Variants in HEMK2 observed in about 807,000 individuals in gnomAD.
HEMK2 encodes HemK methyltransferase 2, ETF1 glutamine and histone H4 lysine.
the HEMK2 span, among the ~76,000 whole-genome samples, chr21:28,586,843 C>A: frequency 6.6e-6 from 1 of 152,054 alleles, no homozygotes; most frequent in African/African-American, 2.4e-5. Context: ...GAATGAACTC[C>A]CTTGGGCCTC....
At chr21:28,691,929 T>C in the HEMK2 span, among the ~76,000 whole-genome samples, 2 of 152,224 alleles carry the variant, frequency 1.3e-5, no homozygotes, top group Non-Finnish European at 2.9e-5. Context: ...AAAAACTGTT[T>C]ATTGGCTCTC....
chr21:28,827,903 C>T, the HEMK2 span, among the ~76,000 whole-genome samples: 1 of 152,168 alleles, frequency 6.6e-6, no homozygotes, highest in Non-Finnish European at 1.5e-5. Context: ...TTATTGAAAA[C>T]TTGCTCTGAG....
At chr21:28,749,249 A>G in the HEMK2 span, among the ~76,000 whole-genome samples, 1 of 152,242 alleles carries the variant, frequency 6.6e-6, no homozygotes, top group South Asian at 2.1e-4. Flanking sequence ...AGTGAAAATC[A>G]TTATATATAC....
the HEMK2 span, among the ~76,000 whole-genome samples, chr21:28,712,619 T>C: frequency 2.0e-5 from 3 of 152,012 alleles, no homozygotes; most frequent in African/African-American, 7.2e-5. Context: ...AGAACACCCT[T>C]GGGGGCAATA....
At chr21:28,818,188 G>A in the HEMK2 span, among the ~76,000 whole-genome samples, 1 of 152,160 alleles carries the variant, frequency 6.6e-6, no homozygotes, top group Admixed American at 6.5e-5. Context: ...GAACGTGAAA[G>A]GACTAGACTG....
chr21:28,794,737 C>T, the HEMK2 span, among the ~76,000 whole-genome samples: 47 of 152,370 alleles, frequency 3.1e-4, no homozygotes, highest in African/African-American at 1.1e-3. Context: ...CAAATAACCA[C>T]TGAAGAACAA....
the HEMK2 span, among the ~76,000 whole-genome samples, chr21:28,605,061 G>C: frequency 6.6e-6 from 1 of 152,134 alleles, no homozygotes. Flanking sequence ...ATCCACATGT[G>C]GATGCACTTA....
At chr21:28,727,927 T>C in the HEMK2 span, among the ~76,000 whole-genome samples, 2 of 152,220 alleles carry the variant, frequency 1.3e-5, no homozygotes, top group African/African-American at 2.4e-5. Context: ...AGTGTGTGTA[T>C]GCATACACAT....
chr21:28,788,279 T>TAC, the HEMK2 span, among the ~76,000 whole-genome samples: 3,000 of 147,124 alleles, frequency 0.02, 51 homozygotes, highest in African/African-American at 0.049. Context: ...CCATCATATA[T>TAC]ACACACACAC....
the HEMK2 span, among the ~76,000 whole-genome samples, chr21:28,701,002 A>G: frequency 0.56 from 84,588 of 152,068 alleles, 26,197 homozygotes; most frequent in East Asian, 0.84. Context: ...ACATATGCAA[A>G]CCAATAACTC....
chr21:28,868,976 A>AT, the HEMK2 span, among the ~76,000 whole-genome samples: 234 of 143,514 alleles, frequency 1.6e-3, no homozygotes, highest in Non-Finnish European at 2.0e-3. Flanking sequence ...TTTCCCTTTC[A>AT]TTTTTTTTTT....
the HEMK2 span, among the ~76,000 whole-genome samples, chr21:28,654,804 G>A: frequency 6.6e-6 from 1 of 152,022 alleles, no homozygotes; most frequent in Non-Finnish European, 1.5e-5. Flanking sequence ...TTCTGCAATA[G>A]GGTTATTGTA....
chr21:28,639,442 T>C, the HEMK2 span, among the ~76,000 whole-genome samples: 121 of 152,298 alleles, frequency 7.9e-4, 2 homozygotes, highest in East Asian at 0.021. Flanking sequence ...AAGGAATTAA[T>C]ACTTCAAGAA....
At chr21:28,607,592 G>A in the HEMK2 span, among the ~76,000 whole-genome samples, 1 of 152,104 alleles carries the variant, frequency 6.6e-6, no homozygotes, top group Non-Finnish European at 1.5e-5. Context: ...CTAGCCAACA[G>A]GTTTAATCTT....
chr21:28,713,102 A>C, the HEMK2 span, among the ~76,000 whole-genome samples: 16 of 152,174 alleles, frequency 1.1e-4, no homozygotes, highest in Non-Finnish European at 1.6e-4. Context: ...TGGCATCACC[A>C]CAGGCTGAGT....
At chr21:28,597,541 A>G in the HEMK2 span, among the ~76,000 whole-genome samples, 2 of 152,366 alleles carry the variant, frequency 1.3e-5, no homozygotes, top group East Asian at 3.9e-4. Flanking sequence ...CACTGGACCC[A>G]GTTAGGTTTC....
chr21:28,629,138 T>C, the HEMK2 span, among the ~76,000 whole-genome samples: 1 of 152,176 alleles, frequency 6.6e-6, no homozygotes. Context: ...AACACAGGCA[T>C]AATGTGAGAA....
the HEMK2 span, among the ~76,000 whole-genome samples, chr21:28,739,192 T>A: frequency 6.6e-6 from 1 of 152,204 alleles, no homozygotes; most frequent in Non-Finnish European, 1.5e-5. Context: ...CTGAAACATT[T>A]CCTCCCTCTT....
At chr21:28,601,718 A>C in the HEMK2 span, among the ~76,000 whole-genome samples, 1 of 149,832 alleles carries the variant, frequency 6.7e-6, no homozygotes, top group African/African-American at 2.5e-5. Context: ...GAGATTTTCC[A>C]TTCACTACTG....
Sources: allele counts gnomAD v4.1 joint callset (sites outside exome capture counted in the v4.1 genomes callset), GRCh38; gene constraint gnomAD v4.1.1; transcripts MANE v1.5; gene names NCBI Gene and HGNC (gene_info 2026-07-23, HGNC 2026-07-21).